The following DGKB variants were observed in gnomAD, a reference collection of about 807,000 sequenced individuals.
The protein encoded by DGKB is diacylglycerol kinase beta.
DGKB carries 67 observed loss-of-function variants against 114.3 expected under a neutral mutation model. The observed-to-expected ratio is 0.59, with a 90% CI of 0.48 to 0.72. The LOEUF is 0.72. Ranked by LOEUF, DGKB falls within the 30% of genes least tolerant of loss-of-function variation. DGKB has a pLI of 0.00. For synonymous variants in DGKB, 398 were observed against 323.1 expected (o/e 1.23, Z -2.49); for missense variants, 907 against 975.2 (o/e 0.93, Z 0.93).
At chr7:14,221,818 G>C (rs1790025773) in intron 23 of DGKB, among the ~76,000 whole-genome samples, 1 of 151,198 alleles carries the variant, frequency 6.6e-6, no homozygotes, top group Non-Finnish European at 1.5e-5. Context: ...GGTAGATTTT[G>C]ATTACTACTC....
chr7:14,492,795 T>A (rs934868841), intron 20 of DGKB, among the ~76,000 whole-genome samples: 1 of 152,098 alleles, frequency 6.6e-6, no homozygotes, highest in African/African-American at 2.4e-5. Context: ...TTACATTCAA[T>A]AGCAATAACA....
chr7:14,922,313 T>C (rs146230914), intron 1 of DGKB, among the ~76,000 whole-genome samples: 1,789 of 152,110 alleles, frequency 0.012, 19 homozygotes, highest in South Asian at 0.032. Context: ...ATACTCCCAC[T>C]GTCTCTAGTA....
At chr7:14,963,837 T>C (rs114677609) in intron 1 of DGKB, among the ~76,000 whole-genome samples, 1,945 of 152,192 alleles carry the variant, frequency 0.013, 45 homozygotes, top group African/African-American at 0.044. Flanking sequence ...ATTAATAAAA[T>C]TGACCACGTT....
At chr7:14,549,279 G>A (rs1026534644) in intron 20 of DGKB, among the ~76,000 whole-genome samples, 1 of 152,102 alleles carries the variant, frequency 6.6e-6, no homozygotes, top group Non-Finnish European at 1.5e-5. Flanking sequence ...CATAGCCAAA[G>A]AAGTTTTAGG....
chr7:14,183,261 G>T (rs1052940942), intron 23 of DGKB, among the ~76,000 whole-genome samples: 1 of 152,128 alleles, frequency 6.6e-6, no homozygotes, highest in South Asian at 2.1e-4. Context: ...TCAATGATTC[G>T]TCTTCAAAAT....
chr7:14,670,595 A>G (rs1467444565), intron 13 of DGKB, among the ~76,000 whole-genome samples: 1 of 151,944 alleles, frequency 6.6e-6, no homozygotes. Context: ...GTGAGCCACC[A>G]TGCCCAGCCA....
intron 6 of DGKB, among the ~76,000 whole-genome samples, chr7:14,710,344 T>G (rs1432986463): frequency 6.6e-6 from 1 of 152,274 alleles, no homozygotes; most frequent in East Asian, 1.9e-4. Flanking sequence ...ATACAAGTGA[T>G]TTTTATTTCT....
intron 1 of DGKB, among the ~76,000 whole-genome samples, chr7:14,940,403 G>T: frequency 6.6e-6 from 1 of 150,898 alleles, no homozygotes. Context: ...TAATAATTGA[G>T]TACAATTTTT....
intron 1 of DGKB, among the ~76,000 whole-genome samples, chr7:14,872,468 A>G (rs1458163442): frequency 6.6e-6 from 1 of 152,186 alleles, no homozygotes; most frequent in Non-Finnish European, 1.5e-5. Context: ...ACAGAAAGTA[A>G]CTTCACAGCT....
intron 12 of DGKB, among the ~76,000 whole-genome samples, 171 bp from the exon 13 acceptor site, chr7:14,673,198 T>C (rs1430462219): frequency 6.6e-6 from 1 of 152,086 alleles, no homozygotes; most frequent in Non-Finnish European, 1.5e-5. Context: ...TCCTTATATA[T>C]GAACCCTAAA....
At chr7:14,513,442 A>G (rs887489410) in intron 20 of DGKB, among the ~76,000 whole-genome samples, 23 of 152,024 alleles carry the variant, frequency 1.5e-4, no homozygotes, top group Non-Finnish European at 2.5e-4. Context: ...TAGTTATGTG[A>G]GCTCAATCAC....
At chr7:14,820,612 AT>A (rs2128101368) in intron 2 of DGKB, among the ~76,000 whole-genome samples, 1 of 152,342 alleles carries the variant, frequency 6.6e-6, no homozygotes, top group South Asian at 2.1e-4. Flanking sequence ...ACTATTTCAA[AT>A]TAAATCAAGA....
chr7:14,269,749 A>G (rs1215569321), intron 23 of DGKB, among the ~76,000 whole-genome samples: 2 of 152,196 alleles, frequency 1.3e-5, no homozygotes, highest in Admixed American at 1.3e-4. Context: ...CAATCTGTAT[A>G]TCTTCTTTAT....
chr7:14,889,691 T>C (rs1394645807), intron 1 of DGKB, among the ~76,000 whole-genome samples: 1 of 151,430 alleles, frequency 6.6e-6, no homozygotes, highest in Non-Finnish European at 1.5e-5. Flanking sequence ...TTATATTCAA[T>C]CTCTAAGCAA....
intron 13 of DGKB, among the ~76,000 whole-genome samples, chr7:14,657,178 C>G (rs1816019845): frequency 6.6e-6 from 1 of 151,230 alleles, no homozygotes; most frequent in Non-Finnish European, 1.5e-5. Flanking sequence ...TATTTTAAAC[C>G]AAAATGGATG....
intron 20 of DGKB, among the ~76,000 whole-genome samples, chr7:14,542,738 A>G (rs1416528007): frequency 6.6e-6 from 1 of 152,206 alleles, no homozygotes; most frequent in Non-Finnish European, 1.5e-5. Flanking sequence ...GAGATTTTTA[A>G]CCATGTGTCT....
At chr7:14,919,184 C>T (rs1276488904) in intron 1 of DGKB, among the ~76,000 whole-genome samples, 2 of 149,670 alleles carry the variant, frequency 1.3e-5, no homozygotes, top group Non-Finnish European at 3.0e-5. Context: ...TGAAGAAAAA[C>T]AAAGTCGGAG....
intron 21 of DGKB, among the ~76,000 whole-genome samples, chr7:14,449,990 C>A (rs1191098832): frequency 6.6e-6 from 1 of 151,886 alleles, no homozygotes; most frequent in East Asian, 1.9e-4. Context: ...AATTAGTGTA[C>A]TTTGCTTCTC....
chr7:14,922,360 T>G (rs1003303311), intron 1 of DGKB, among the ~76,000 whole-genome samples: 1 of 145,060 alleles, frequency 6.9e-6, no homozygotes, highest in African/African-American at 2.6e-5. Context: ...TGTCTACATA[T>G]ATATGTGTAT....
Sources: allele counts gnomAD v4.1 joint callset (sites outside exome capture counted in the v4.1 genomes callset), GRCh38; gene constraint gnomAD v4.1.1; transcripts MANE v1.5; gene names NCBI Gene and HGNC (gene_info 2026-07-23, HGNC 2026-07-21).